Variants in STARD13 observed in about 807,000 individuals in gnomAD.
The protein encoded by STARD13 is StAR related lipid transfer domain containing 13, also known as stAR-related lipid transfer protein 13.
Under a neutral mutation model 106.4 loss-of-function variants are expected in STARD13, and 62 were observed. That is an observed-to-expected ratio of 0.58 (90% CI 0.48 to 0.72). The LOEUF is 0.72. Ranked by LOEUF, STARD13 falls within the 30% of genes least tolerant of loss-of-function variation. The probability of loss-of-function intolerance (pLI) is 0.00; values close to 1 mark genes in which losing one functional copy is unlikely to be tolerated. For missense variants in STARD13, 1,387 were observed against 1,424.0 expected, an observed-to-expected ratio of 0.97 and a Z score of 0.42; for synonymous variants, 565 against 553.0, an observed-to-expected ratio of 1.02 and a Z score of -0.31.
At position 33,118,165 on chromosome 13, in the gene STARD13, A is replaced by C. The variant is rs1593873810; in HGVS notation, c.2181T>G (p.Ser727=). Residue 727 remains serine, a synonymous_variant, in exon 8 of 14, where the codon TCT becomes TCG. Transcript: ENST00000336934. ...FPENVNYEDQ[S]AYDVADMVKQ... ...TCACCATATCCGCCACATCATAAGC[A>C]GACTGGTCTTCATAGTTGACGTTCT... 1.2e-6 allele frequency: 2 copies of C among 1,614,244 alleles called. No homozygotes were observed. Among genetic ancestry groups the C allele is most frequent in the South Asian group, 1.1e-5 (1 of 91,084 alleles).
At chr13:33,257,886 T>TA (rs1890446122) in intron 1 of STARD13, among the ~76,000 whole-genome samples, 1 of 152,256 alleles carries the variant, frequency 6.6e-6, no homozygotes, top group African/African-American at 2.4e-5. Context: ...ACTGTAAATA[T>TA]ATTTTCAATT....
At chr13:33,337,854 C>A (rs767686653) in intron 1 of STARD13, among the ~76,000 whole-genome samples, 2 of 152,218 alleles carry the variant, frequency 1.3e-5, no homozygotes, top group African/African-American at 4.8e-5. Flanking sequence ...AAAATGTGGG[C>A]CTTCCATTCA....
chr13:33,478,224 T>C, the STARD13 span, among the ~76,000 whole-genome samples: 1 of 152,196 alleles, frequency 6.6e-6, no homozygotes, highest in Non-Finnish European at 1.5e-5. Flanking sequence ...GCAATGCTTG[T>C]TGTCTCAGTG....
intron 4 of STARD13, among the ~76,000 whole-genome samples, chr13:33,139,070 C>T (rs905232302): frequency 9.2e-5 from 14 of 152,166 alleles, no homozygotes; most frequent in African/African-American, 3.4e-4. Context: ...ACACAATTGC[C>T]ATGAAGACAA....
At chr13:33,286,077 A>G (rs1482426705), upstream of STARD13, among the ~76,000 whole-genome samples, 1 of 152,076 alleles carries the variant, frequency 6.6e-6, no homozygotes, top group Non-Finnish European at 1.5e-5. Flanking sequence ...AGCCTGTCAA[A>G]GTTAGAGAAA....
chr13:33,275,754 C>A (rs550180294), intron 1 of STARD13: 1 of 152,204 alleles, frequency 6.6e-6, no homozygotes, highest in Non-Finnish European at 1.5e-5. Context: ...GAAATTCAAC[C>A]AACATGTTTC....
rs754288698 is a variant in STARD13 at position 33,165,415 on chromosome 13, G to C, written c.245C>G (p.Ser82Ter). The C allele has an allele frequency of 6.2e-7, 1 of 1,612,210 alleles. No individual in the cohort carries two copies. Among genetic ancestry groups the C allele is most frequent in the South Asian group, 1.1e-5 (1 of 91,036 alleles). Residue 82 changes from serine (S) to a stop codon, truncating the protein, a stop_gained, in exon 3 of 14, where the codon TCA becomes TGA. Coordinates refer to ENST00000336934, the MANE Select transcript of STARD13 (RefSeq NM_178006.4). LOFTEE classifies it high-confidence loss of function. ...AGCCACAATGTTGATGGGAAATTGT[G>C]AATCTGAGAGAGAAAGACAAAGAAG... is the stretch of plus-strand genomic sequence containing the variant. ...FPQYAQLYED[S>*]QFPINIVAVK... is the part of the protein sequence containing the mutation.
chr13:33,508,826 A>G, the STARD13 span, among the ~76,000 whole-genome samples: 1 of 152,234 alleles, frequency 6.6e-6, no homozygotes, highest in Non-Finnish European at 1.5e-5. Context: ...GGGACATTCT[A>G]GAGTTTACTT....
intron 8 of STARD13, chr13:33,113,556 A>G (rs751527126): frequency 1.9e-6 from 1 of 516,236 alleles, no homozygotes; most frequent in African/African-American, 1.9e-5. Flanking sequence ...TTTTCCTACA[A>G]ATCTCCCAGG....
chr13:33,337,853 G>A (rs1462846032), intron 1 of STARD13, among the ~76,000 whole-genome samples: 1 of 152,200 alleles, frequency 6.6e-6, no homozygotes, highest in East Asian at 1.9e-4. Flanking sequence ...GAAAATGTGG[G>A]CCTTCCATTC....
chr13:33,521,299 A>T, the STARD13 span, among the ~76,000 whole-genome samples: 5,414 of 152,240 alleles, frequency 0.036, 108 homozygotes, highest in Middle Eastern at 0.061. Context: ...GAATGAAGGT[A>T]CACTAGATTG....
intron 1 of STARD13, among the ~76,000 whole-genome samples, chr13:33,219,976 G>T (rs1888266287): frequency 1.3e-5 from 2 of 152,130 alleles, no homozygotes; most frequent in Non-Finnish European, 2.9e-5. Flanking sequence ...GCCTGTTCCT[G>T]CTTTAACTTT....
intron 4 of STARD13, among the ~76,000 whole-genome samples, chr13:33,141,006 T>C (rs1300045461): frequency 2.0e-5 from 3 of 152,172 alleles, no homozygotes; most frequent in African/African-American, 7.2e-5. Flanking sequence ...GATCCACCTG[T>C]CTTGGGCTCC....
chr13:33,383,724 T>C, the STARD13 span: 1 of 115,662 alleles, frequency 8.6e-6, no homozygotes, highest in Non-Finnish European at 1.6e-5. Context: ...GCCATTACAC[T>C]CCAGTCTGAG....
chr13:33,194,380 C>T (rs755821485), intron 1 of STARD13, among the ~76,000 whole-genome samples: 2 of 151,706 alleles, frequency 1.3e-5, no homozygotes, highest in Admixed American at 6.6e-5. Flanking sequence ...ATTCAGTTTA[C>T]TAAGAGGATT....
chr13:33,675,298 C>T, the STARD13 span, among the ~76,000 whole-genome samples: 8 of 152,272 alleles, frequency 5.3e-5, no homozygotes, highest in East Asian at 1.9e-4. Flanking sequence ...CTAATCTGTG[C>T]GCAGCTAATC....
At chr13:33,649,030 G>A in the STARD13 span, among the ~76,000 whole-genome samples, 10 of 151,996 alleles carry the variant, frequency 6.6e-5, no homozygotes, top group South Asian at 2.1e-3. Context: ...CCGACCTGAG[G>A]TGATCGCCTG....
At chr13:33,302,856 A>G (rs891104612) in intron 1 of STARD13, among the ~76,000 whole-genome samples, 9 of 152,304 alleles carry the variant, frequency 5.9e-5, no homozygotes, top group Admixed American at 5.2e-4. Context: ...GTTCTGATAT[A>G]TTGTTCCTTC....
rs1248180797 is a variant in STARD13, at chr13:33,112,754, T to C, written c.2459A>G (p.His820Arg). The change falls in exon 9 of 14, where the codon CAT becomes CGT. Residue 820 changes from histidine (H) to arginine (R), a missense_variant. His to Arg is a conservative substitution (Grantham distance 29). Coordinates refer to ENST00000336934, the MANE Select transcript of STARD13 (RefSeq NM_178006.4). ...GCTTTCTTTCTTCAATAAATTAAGATGAAAGAGGGAGGGGGCCAGACACAC... is the reference window on the plus strand; with the variant it reads ...GCTTTCTTTCTTCAATAAATTAAGACGAAAGAGGGAGGGGGCCAGACACAC... ...LAVCLAPSLF[H>R]LNLLKKESSP... 1.9e-6 allele frequency: 3 copies of C among 1,605,520 alleles called. No individual in the cohort carries two copies. The highest frequency in any genetic ancestry group is 1.3e-5 in the African/African-American group (1 of 74,552).
Sources: allele counts gnomAD v4.1 joint callset (sites outside exome capture counted in the v4.1 genomes callset), GRCh38; gene constraint gnomAD v4.1.1; transcripts MANE v1.5; gene names NCBI Gene and HGNC (gene_info 2026-07-23, HGNC 2026-07-21).